Variants in MTRF1 observed in about 807,000 individuals in gnomAD.
MTRF1 encodes the protein mitochondrial translation release factor 1.
In MTRF1, 51 loss-of-function variants were observed where a neutral mutation model predicts 62.9. The observed-to-expected ratio is 0.81, with a 90% confidence interval of 0.65 to 1.02. The LOEUF (loss-of-function observed/expected upper bound fraction) is 1.02. Ranked by LOEUF, MTRF1 falls within the 50% of genes least tolerant of loss-of-function variation. The probability of loss-of-function intolerance (pLI) is 0.00; values close to 1 mark genes in which losing one functional copy is unlikely to be tolerated. For missense variants in MTRF1, 446 were observed against 530.0 expected, an observed-to-expected ratio of 0.84 and a Z score of 1.56; for synonymous variants, 158 against 181.9, an observed-to-expected ratio of 0.87 and a Z score of 1.06.
upstream of MTRF1, chr13:41,263,630 C>G: frequency 5.7e-6 from 1 of 174,326 alleles, no homozygotes; most frequent in South Asian, 1.2e-4. Context: ...GGCCCCTCCT[C>G]CGCCACTACC....
the MTRF1 span, among the ~76,000 whole-genome samples, chr13:41,268,717 C>T: frequency 6.6e-6 from 1 of 151,902 alleles, no homozygotes; most frequent in Admixed American, 6.6e-5. Context: ...GGAGAGAAAA[C>T]CAAAAACAAG....
chr13:41,219,253 T>C (rs913769560), intron 9 of MTRF1, among the ~76,000 whole-genome samples: 15 of 148,578 alleles, frequency 1.0e-4, no homozygotes, highest in African/African-American at 3.2e-4. Context: ...ATTGCGCCGC[T>C]GCACTCCAGC....
chr13:41,295,503 C>T, the MTRF1 span, among the ~76,000 whole-genome samples: 2 of 152,006 alleles, frequency 1.3e-5, no homozygotes, highest in Admixed American at 6.6e-5. Flanking sequence ...ATGGGCTTCT[C>T]ATGAGGAAAA....
chr13:41,273,075 C>G, the MTRF1 span, among the ~76,000 whole-genome samples: 1 of 152,076 alleles, frequency 6.6e-6, no homozygotes, highest in Admixed American at 6.6e-5. Flanking sequence ...GTCTGTAATC[C>G]CAGGACTTTG....
intron 5 of MTRF1, among the ~76,000 whole-genome samples, chr13:41,241,179 G>C (rs530109194): frequency 6.6e-6 from 1 of 152,158 alleles, no homozygotes; most frequent in South Asian, 2.1e-4. Flanking sequence ...TGAGTGGCTA[G>C]GATTACAGGC....
chr13:41,237,433 CATA>C (rs1358181760), intron 6 of MTRF1, among the ~76,000 whole-genome samples: 3 of 151,340 alleles, frequency 2.0e-5, no homozygotes, highest in Non-Finnish European at 2.9e-5. Flanking sequence ...AAATATTTAT[CATA>C]ATAACATAAC....
chr13:41,302,204 A>G, the MTRF1 span, among the ~76,000 whole-genome samples: 1 of 151,832 alleles, frequency 6.6e-6, no homozygotes, highest in Non-Finnish European at 1.5e-5. Flanking sequence ...TAATTTTGGT[A>G]TTTTTAGTAG....
At chr13:41,220,445 A>C (rs1335370242) in intron 9 of MTRF1, 2 of 551,094 alleles carry the variant, frequency 3.6e-6, no homozygotes, top group East Asian at 1.4e-4. Flanking sequence ...AGAAATCTGC[A>C]CAAGGACATT....
At chr13:41,251,887 AT>A (rs879524406) in intron 5 of MTRF1, among the ~76,000 whole-genome samples, 129 of 146,404 alleles carry the variant, frequency 8.8e-4, no homozygotes, top group South Asian at 8.6e-4. Flanking sequence ...ATGTTGTATC[AT>A]TTTTTTTTTT....
intron 7 of MTRF1, chr13:41,229,223 T>TGGGATAA (rs2035059646): frequency 6.6e-6 from 1 of 152,196 alleles, no homozygotes; most frequent in African/African-American, 2.4e-5. Flanking sequence ...GTAATAATTG[T>TGGGATAA]ACATATTTAT....
At chr13:41,295,560 C>T in the MTRF1 span, among the ~76,000 whole-genome samples, 17 of 150,484 alleles carry the variant, frequency 1.1e-4, no homozygotes, top group South Asian at 2.5e-3. Flanking sequence ...GGTAACAGGT[C>T]TGAAAAAAAA....
chr13:41,218,432 C>A (rs1358199834), intron 9 of MTRF1, among the ~76,000 whole-genome samples: 1 of 151,866 alleles, frequency 6.6e-6, no homozygotes, highest in Admixed American at 6.6e-5. Flanking sequence ...CTGACCCAAT[C>A]TTTAAACATT....
the MTRF1 span, among the ~76,000 whole-genome samples, chr13:41,309,872 T>A: frequency 6.6e-6 from 1 of 152,144 alleles, no homozygotes. Flanking sequence ...GGTGCATGCC[T>A]GTCATCCCTG....
intron 3 of MTRF1, 99 bp from the exon 4 acceptor site, chr13:41,253,129 C>CA (rs2039287531): frequency 1.1e-6 from 1 of 884,526 alleles, no homozygotes; most frequent in Non-Finnish European, 1.7e-6. Context: ...CAATAATTGG[C>CA]AAAATCATAT....
chr13:41,255,109 A>T (rs1210094684), intron 2 of MTRF1, among the ~76,000 whole-genome samples: 1 of 152,244 alleles, frequency 6.6e-6, no homozygotes, highest in East Asian at 1.9e-4. Context: ...GTAACTCAGC[A>T]TACTGTGACA....
At chr13:41,310,771 G>A in the MTRF1 span, among the ~76,000 whole-genome samples, 7 of 152,200 alleles carry the variant, frequency 4.6e-5, no homozygotes, top group African/African-American at 1.4e-4. Flanking sequence ...GGAGGAAAAG[G>A]AAAGAAAACA....
chr13:41,301,356 G>A, the MTRF1 span, among the ~76,000 whole-genome samples: 2 of 152,148 alleles, frequency 1.3e-5, no homozygotes, highest in Non-Finnish European at 2.9e-5. Context: ...ATCGCAGAAT[G>A]GTGACCCAAC....
chr13:41,264,711 A>G (rs1264883086), upstream of MTRF1, among the ~76,000 whole-genome samples: 3 of 152,220 alleles, frequency 2.0e-5, no homozygotes, highest in African/African-American at 7.2e-5. Context: ...TAAAATACTT[A>G]TTTTGCAGAG....
At chr13:41,222,578 C>A (rs1433150505) in intron 9 of MTRF1, among the ~76,000 whole-genome samples, 1 of 152,098 alleles carries the variant, frequency 6.6e-6, no homozygotes, top group African/African-American at 2.4e-5. Flanking sequence ...ACAGGTGAGC[C>A]CTTAAAAAGG....
Sources: gnomAD v4.1 joint callset for allele counts (sites outside exome capture counted in the v4.1 genomes callset) on GRCh38, gnomAD v4.1.1 for gene constraint, MANE v1.5 for transcripts, NCBI Gene and HGNC (gene_info 2026-07-23, HGNC 2026-07-21) for gene names.